The following RIIAD1 variants were observed in gnomAD, a reference collection of about 807,000 sequenced individuals.
The protein encoded by RIIAD1 is RIIa domain-containing protein 1.
A neutral mutation model predicts 13.3 loss-of-function variants in RIIAD1; 15 were observed. That is an observed-to-expected ratio of 1.13 (90% CI 0.76 to 1.74). The LOEUF is 1.74. Ranked by LOEUF, RIIAD1 falls within the 40% of genes most tolerant of loss-of-function variation. The probability of loss-of-function intolerance (pLI) is 0.00; values close to 1 mark genes in which losing one functional copy is unlikely to be tolerated. For synonymous variants in RIIAD1, 50 were observed against 43.3 expected (o/e 1.16, Z -0.61); for missense variants, 121 against 112.2 (o/e 1.08, Z -0.35).
At position 151,727,636 on chromosome 1, in the gene RIIAD1, G is replaced by A. The variant is rs368679874; in HGVS notation, c.208+15G>A. On this transcript the variant is annotated intron_variant, in intron 3 of 4. Transcript: ENST00000479191. The stretch of plus-strand genomic sequence containing the variant: ...ATTTGCTGCAGGTGAGTAAGGCAGC[G>A]TCGGTTTTGGGTATCTGACAAAGCC... 42 of 1,537,532 alleles carry A rather than the reference G, an allele frequency of 2.7e-5. 1 individual carries two copies. Among genetic ancestry groups the A allele is most frequent in the Admixed American group, 1.8e-4 (9 of 50,972 alleles).
At chr1:151,712,267 G>A (rs1238926948) in intron 2 of RIIAD1, among the ~76,000 whole-genome samples, 7 of 152,246 alleles carry the variant, frequency 4.6e-5, no homozygotes, top group Non-Finnish European at 8.8e-5. Context: ...CCCCAACCCA[G>A]TATAGCCGAG....
At chr1:151,725,596 T>C (rs1244766227) in intron 2 of RIIAD1, among the ~76,000 whole-genome samples, 1 of 152,198 alleles carries the variant, frequency 6.6e-6, no homozygotes, top group Admixed American at 6.5e-5. Context: ...ACATCCTTTG[T>C]GCCCCTCCCA....
intron 2 of RIIAD1, among the ~76,000 whole-genome samples, chr1:151,723,750 A>G (rs1302872979): frequency 6.6e-6 from 1 of 152,190 alleles, no homozygotes; most frequent in African/African-American, 2.4e-5. Flanking sequence ...ACGTTTCTCC[A>G]AGTGGCAACA....
intron 4 of RIIAD1, chr1:151,716,350 G>A: frequency 6.4e-6 from 2 of 314,892 alleles, no homozygotes; most frequent in Non-Finnish European, 1.2e-5. Context: ...GTGGTAGCCG[G>A]GGGTGCTAGG....
At position 151,728,793 on chromosome 1, in the gene RIIAD1, A is replaced by G. The variant is rs779914774; in HGVS notation, c.236A>G (p.Asn79Ser). Reference sequence around the variant, plus strand: ...TACTTCACGGATCCAAGACTTCCCAACAAGATTCACATGCAGCTAATTAAA... The same window carrying G: ...TACTTCACGGATCCAAGACTTCCCAGCAAGATTCACATGCAGCTAATTAAA... ...ADYFTDPRLP[N>S]KIHMQLIKDK... Residue 79 changes from asparagine (N) to serine (S), a missense_variant, in exon 4 of 5, where the codon AAC becomes AGC. Coordinates refer to ENST00000479191, the MANE Select transcript of RIIAD1 (RefSeq NM_001144956.3). 2.6e-6 allele frequency: 4 copies of G among 1,545,282 alleles called. No homozygotes were observed. The highest frequency in any genetic ancestry group is 2.4e-5 in the South Asian group (2 of 83,910).
upstream of RIIAD1, among the ~76,000 whole-genome samples, chr1:151,717,061 T>C (rs1474136791): frequency 6.6e-6 from 1 of 152,070 alleles, no homozygotes; most frequent in East Asian, 1.9e-4. Context: ...GGAGAATTTA[T>C]AGAGGAACCC....
At chr1:151,721,903 C>G in intron 1 of RIIAD1, 183 bp from the exon 2 acceptor site, 1 of 609,742 alleles carries the variant, frequency 1.6e-6, no homozygotes, top group Non-Finnish European at 2.9e-6. Context: ...AAAGGCCCCT[C>G]ATCCTGAACA....
chr1:151,722,519 C>T (rs11591113), intron 2 of RIIAD1, among the ~76,000 whole-genome samples: 8,162 of 152,226 alleles, frequency 0.054, 297 homozygotes, highest in Non-Finnish European at 0.076. Flanking sequence ...AGACAATTTA[C>T]CAGCGTATCC....
intron 4 of RIIAD1, chr1:151,715,788 C>A: frequency 6.3e-7 from 1 of 1,594,268 alleles, no homozygotes; most frequent in East Asian, 2.2e-5. Context: ...ATCAGCCCTT[C>A]CCAGCCGCTC....
At chr1:151,725,741 C>T (rs1673819074) in intron 2 of RIIAD1, among the ~76,000 whole-genome samples, 1 of 152,174 alleles carries the variant, frequency 6.6e-6, no homozygotes, top group Admixed American at 6.5e-5. Context: ...TCAGTCGTAT[C>T]TTGTAGATCC....
intron 1 of RIIAD1, 193 bp downstream of exon 1, chr1:151,721,813 T>C (rs370597857): frequency 1.4e-5 from 8 of 566,904 alleles, no homozygotes; most frequent in African/African-American, 1.1e-4. Flanking sequence ...GACGGGCATC[T>C]GAGAGTGCAG....
At chr1:151,714,730 C>T (rs1673322907) in intron 4 of RIIAD1, 1 of 1,276,124 alleles carries the variant, frequency 7.8e-7, no homozygotes, top group Non-Finnish European at 1.1e-6. Flanking sequence ...CTCCATCTCC[C>T]CTCTCTGAAA....
At chr1:151,711,902 G>C (rs919736048) in exon 2 of RIIAD1, 2 of 152,244 alleles carry the variant, frequency 1.3e-5, no homozygotes, top group Admixed American at 1.3e-4. Context: ...AGGCTCCCAG[G>C]CACAAAAATA....
intron 2 of RIIAD1, among the ~76,000 whole-genome samples, chr1:151,722,399 T>C (rs986288307): frequency 2.0e-5 from 3 of 152,212 alleles, no homozygotes; most frequent in Non-Finnish European, 4.4e-5. Flanking sequence ...ACAAAATCAC[T>C]AGTTGAACTT....
chr1:151,714,888 G>A (rs549088404), intron 4 of RIIAD1, among the ~76,000 whole-genome samples: 2 of 152,246 alleles, frequency 1.3e-5, no homozygotes. Context: ...GGTGATGGGA[G>A]AGGGAGGACA....
chr1:151,728,592 T>A, intron 3 of RIIAD1, 174 bp from the exon 4 acceptor site: 1 of 586,560 alleles, frequency 1.7e-6, no homozygotes, highest in South Asian at 2.1e-5. Context: ...ACTGCTCGGG[T>A]GGGGGCAGTG....
At chr1:151,726,442 GA>G (rs1469002857) in intron 2 of RIIAD1, among the ~76,000 whole-genome samples, 1 of 152,172 alleles carries the variant, frequency 6.6e-6, no homozygotes, top group African/African-American at 2.4e-5. Context: ...TTATCAAAAT[GA>G]ATTGAAGGAG....
intron 3 of RIIAD1, among the ~76,000 whole-genome samples, chr1:151,714,023 G>C (rs1278808865): frequency 6.6e-6 from 1 of 152,182 alleles, no homozygotes; most frequent in Non-Finnish European, 1.5e-5. Flanking sequence ...CCTACCTCCA[G>C]CCCAGACCTG....
chr1:151,717,546 G>C (rs1410772475), upstream of RIIAD1, among the ~76,000 whole-genome samples: 1 of 152,238 alleles, frequency 6.6e-6, no homozygotes, highest in Admixed American at 6.5e-5. Context: ...CCAGGACACC[G>C]TTTAATTCAG....
Sources: gnomAD v4.1 joint callset for allele counts (sites outside exome capture counted in the v4.1 genomes callset) on GRCh38, gnomAD v4.1.1 for gene constraint, MANE v1.5 for transcripts, NCBI Gene and HGNC (gene_info 2026-07-23, HGNC 2026-07-21) for gene names.